Variants in LRRC4C observed in about 807,000 individuals in gnomAD.
The protein encoded by LRRC4C is leucine-rich repeat-containing protein 4C.
In LRRC4C, 5 loss-of-function variants were observed where a neutral mutation model predicts 33.6. The ratio of observed to expected loss-of-function variants is 0.15; its 90% CI spans 0.08 to 0.31. The LOEUF is 0.31. Among genes scored for constraint, LRRC4C ranks in the 10% least tolerant of loss-of-function variants. The pLI is 1.00. For synonymous variants in LRRC4C, 329 were observed against 302.0 expected (o/e 1.09, Z -0.93); for missense variants, 560 against 796.7 (o/e 0.70, Z 3.58).
chr11:40,240,699 A>G (rs997463283), intron 5 of LRRC4C, among the ~76,000 whole-genome samples: 3 of 152,306 alleles, frequency 2.0e-5, no homozygotes, highest in South Asian at 2.1e-4. Context: ...TAAAACCTAT[A>G]TGGGCATTTC....
At chr11:40,819,705 A>G (rs1171850996) in intron 2 of LRRC4C, among the ~76,000 whole-genome samples, 1 of 152,074 alleles carries the variant, frequency 6.6e-6, no homozygotes, top group African/African-American at 2.4e-5. Context: ...CAGAAAATAA[A>G]TGCCAGGGAA....
intron 1 of LRRC4C, among the ~76,000 whole-genome samples, chr11:41,291,969 G>A (rs1397358900): frequency 6.6e-6 from 1 of 152,150 alleles, no homozygotes; most frequent in Non-Finnish European, 1.5e-5. Flanking sequence ...TATTAGTATT[G>A]CAATAGACCA....
chr11:40,279,903 A>T (rs906395447), intron 4 of LRRC4C, among the ~76,000 whole-genome samples: 19 of 152,174 alleles, frequency 1.2e-4, no homozygotes, highest in Admixed American at 3.3e-4. Context: ...TCATTTTAAA[A>T]TCTTTAGTAT....
At chr11:41,053,310 T>TG (rs1402486829) in intron 1 of LRRC4C, among the ~76,000 whole-genome samples, 1 of 152,210 alleles carries the variant, frequency 6.6e-6, no homozygotes, top group African/African-American at 2.4e-5. Context: ...GCAGGCATGC[T>TG]GGAGAGGCCC....
At chr11:41,360,356 A>G (rs955192237) in intron 1 of LRRC4C, among the ~76,000 whole-genome samples, 1 of 151,994 alleles carries the variant, frequency 6.6e-6, no homozygotes, top group Non-Finnish European at 1.5e-5. Context: ...TGATTTATCT[A>G]TCCATAGCCC....
chr11:40,635,782 G>A (rs966175715), intron 3 of LRRC4C, among the ~76,000 whole-genome samples: 2 of 151,364 alleles, frequency 1.3e-5, no homozygotes, highest in Non-Finnish European at 1.5e-5. Context: ...GACTACAGGC[G>A]CCCGCCACCA....
At chr11:40,540,212 C>G (rs923527121) in intron 3 of LRRC4C, among the ~76,000 whole-genome samples, 1 of 152,158 alleles carries the variant, frequency 6.6e-6, no homozygotes, top group Non-Finnish European at 1.5e-5. Flanking sequence ...CTTTTTCCCT[C>G]TTAGCTTTTT....
At chr11:40,777,257 G>T (rs75250102) in intron 2 of LRRC4C, among the ~76,000 whole-genome samples, 5,084 of 152,252 alleles carry the variant, frequency 0.033, 113 homozygotes, top group Non-Finnish European at 0.048. Flanking sequence ...AATGTTGAAC[G>T]TAAGTCCAGG....
intron 2 of LRRC4C, among the ~76,000 whole-genome samples, chr11:40,668,428 A>G (rs1373397746): frequency 6.6e-6 from 1 of 152,196 alleles, no homozygotes; most frequent in Non-Finnish European, 1.5e-5. Context: ...AAAAATGCAA[A>G]CACAAATTTT....
intron 1 of LRRC4C, among the ~76,000 whole-genome samples, chr11:41,022,581 A>C (rs1321097298): frequency 2.1e-5 from 3 of 145,440 alleles, no homozygotes; most frequent in African/African-American, 8.5e-5. Flanking sequence ...ACCAGGAAGA[A>C]AAAAAAATCC....
At chr11:40,380,058 G>A (rs113476951) in intron 3 of LRRC4C, among the ~76,000 whole-genome samples, 3,597 of 152,228 alleles carry the variant, frequency 0.024, 132 homozygotes, top group African/African-American at 0.078. Context: ...CAGTAATTGT[G>A]AGAGCATGTA....
At chr11:40,931,578 GC>G (rs1361769205) in intron 2 of LRRC4C, among the ~76,000 whole-genome samples, 2 of 152,140 alleles carry the variant, frequency 1.3e-5, no homozygotes, top group Non-Finnish European at 2.9e-5. Context: ...TTATCATAGA[GC>G]CCCAATTGAT....
intron 2 of LRRC4C, among the ~76,000 whole-genome samples, chr11:40,920,380 C>T (rs1400395238): frequency 6.6e-6 from 1 of 152,076 alleles, no homozygotes; most frequent in Non-Finnish European, 1.5e-5. Context: ...ACAGTGAAGA[C>T]ATTAAATAAA....
At chr11:41,172,937 G>T (rs1232714793) in intron 1 of LRRC4C, among the ~76,000 whole-genome samples, 1 of 152,020 alleles carries the variant, frequency 6.6e-6, no homozygotes, top group Non-Finnish European at 1.5e-5. Context: ...TCTAGATAAG[G>T]AGACTGAGGC....
chr11:40,559,879 A>G (rs978965156), intron 3 of LRRC4C, among the ~76,000 whole-genome samples: 1 of 152,122 alleles, frequency 6.6e-6, no homozygotes, highest in Non-Finnish European at 1.5e-5. Context: ...TTTTAAATGG[A>G]TGGCAGAGAA....
rs959796705 is a variant in LRRC4C, at chr11:40,715,373, T to C, written c.-406-67095A>G. Among the ~76,000 whole-genome samples, 6 of 152,322 alleles carry C rather than the reference T, an allele frequency of 3.9e-5. No individual in the cohort carries two copies. In the East Asian group the frequency reaches 1.2e-3, roughly 29 times the overall value. ...ATTTCAATTCAGCAAATCCTCAAAG[T>C]ATATAAAAAGCCAAATGAAAACAAA... On this transcript the variant is annotated intron_variant, in intron 2 of 6. Transcript: ENST00000528697.
intron 1 of LRRC4C, among the ~76,000 whole-genome samples, chr11:40,994,559 T>C (rs1037351351): frequency 6.6e-6 from 1 of 152,152 alleles, no homozygotes; most frequent in Non-Finnish European, 1.5e-5. Flanking sequence ...ACCCTGGTGA[T>C]GTATGTTATA....
At chr11:41,004,160 A>G (rs537455412) in intron 1 of LRRC4C, among the ~76,000 whole-genome samples, 1 of 152,246 alleles carries the variant, frequency 6.6e-6, no homozygotes, top group South Asian at 2.1e-4. Context: ...TACATTAGGG[A>G]GGGAACTTGT....
At chr11:40,957,943 C>T (rs550782094) in intron 1 of LRRC4C, among the ~76,000 whole-genome samples, 1 of 151,430 alleles carries the variant, frequency 6.6e-6, no homozygotes, top group South Asian at 2.1e-4. Flanking sequence ...TCCTAATCCC[C>T]AAGGTGATAC....
Sources: gnomAD v4.1 joint callset for allele counts (sites outside exome capture counted in the v4.1 genomes callset) on GRCh38, gnomAD v4.1.1 for gene constraint, MANE v1.5 for transcripts, NCBI Gene and HGNC (gene_info 2026-07-23, HGNC 2026-07-21) for gene names.